SORCS3: variants seen among roughly 807,000 people sequenced by gnomAD.
The protein encoded by SORCS3 is VPS10 domain-containing receptor SorCS3.
A neutral mutation model predicts 146.3 loss-of-function variants in SORCS3; 57 were observed. The observed-to-expected ratio is 0.39, with a 90% CI of 0.31 to 0.49. The LOEUF (loss-of-function observed/expected upper bound fraction) is 0.49. SORCS3 is among the 20% of genes least tolerant of loss of function. The pLI is 0.92. For synonymous variants in SORCS3, 653 were observed against 618.5 expected (o/e 1.06, Z -0.83); for missense variants, 1,341 against 1,575.5 (o/e 0.85, Z 2.52).
At chr10:104,987,038 A>T (rs2054966048) in intron 4 of SORCS3, among the ~76,000 whole-genome samples, 1 of 152,200 alleles carries the variant, frequency 6.6e-6, no homozygotes, top group Admixed American at 6.5e-5. Context: ...ATATCTGTGA[A>T]GCACAATGAA....
intron 5 of SORCS3, among the ~76,000 whole-genome samples, chr10:105,082,890 C>A (rs931901068): frequency 1.8e-4 from 28 of 151,980 alleles, no homozygotes; most frequent in Admixed American, 1.6e-3. Flanking sequence ...ACCACCACAC[C>A]CGGCTAATTT....
intron 1 of SORCS3, among the ~76,000 whole-genome samples, chr10:104,768,402 T>G (rs1300761251): frequency 6.6e-6 from 1 of 152,208 alleles, no homozygotes; most frequent in Non-Finnish European, 1.5e-5. Context: ...TTTGTTATAC[T>G]GAAAAAACTG....
intron 7 of SORCS3, among the ~76,000 whole-genome samples, chr10:105,125,591 C>G (rs2055967557): frequency 6.6e-6 from 1 of 151,702 alleles, no homozygotes; most frequent in Admixed American, 6.6e-5. Context: ...CAAGTTGGGT[C>G]AGGAACTGTG....
chr10:105,146,713 A>G (rs1169957629), intron 8 of SORCS3, among the ~76,000 whole-genome samples: 1 of 152,172 alleles, frequency 6.6e-6, no homozygotes, highest in East Asian at 1.9e-4. Flanking sequence ...TGATAGCCAT[A>G]TAATCTGAAA....
intron 1 of SORCS3, among the ~76,000 whole-genome samples, chr10:104,669,973 A>G (rs1402783125): frequency 1.3e-5 from 2 of 152,032 alleles, no homozygotes; most frequent in East Asian, 3.9e-4. Flanking sequence ...TCTAATGATT[A>G]GTGATATTGA....
chr10:105,041,711 G>A (rs1320216615), intron 4 of SORCS3, among the ~76,000 whole-genome samples: 1 of 151,952 alleles, frequency 6.6e-6, no homozygotes, highest in African/African-American at 2.4e-5. Flanking sequence ...TAACATTATC[G>A]ACTTAGAACT....
chr10:105,200,258 G>A, intron 15 of SORCS3, 142 bp downstream of exon 15: 1 of 657,712 alleles, frequency 1.5e-6, no homozygotes, highest in Non-Finnish European at 2.7e-6. Context: ...TGGAGAAAAG[G>A]GTGAAACACA....
rs573694276 is a variant in SORCS3, at chr10:105,218,871, C to T, written c.2734+1749C>T. On this transcript the variant is annotated intron_variant, in intron 19 of 26. Transcript: ENST00000369701. The stretch of plus-strand genomic sequence containing the variant: ...TCTACTAGAAATACACAAAATTAGC[C>T]GGGCGTTTTGGCACAAGCCTGTAGT... Among the ~76,000 whole-genome samples, 19 of 152,180 alleles carry T rather than the reference C, an allele frequency of 1.2e-4. No individual in the cohort carries two copies. The South Asian group carries it at 2.3e-3, about 18-fold the overall frequency.
chr10:104,712,126 T>C (rs2133439309), intron 1 of SORCS3, among the ~76,000 whole-genome samples: 1 of 152,308 alleles, frequency 6.6e-6, no homozygotes, highest in African/African-American at 2.4e-5. Context: ...TTTGGCTCAT[T>C]CTTCCCACTT....
chr10:105,254,906 CG>C (rs1289961197), intron 23 of SORCS3, among the ~76,000 whole-genome samples: 2 of 152,098 alleles, frequency 1.3e-5, no homozygotes, highest in East Asian at 3.9e-4. Context: ...AGTGGATCTG[CG>C]GCCAGGCGCG....
chr10:105,257,009 C>A, intron 25 of SORCS3, 85 bp downstream of exon 25: 1 of 933,848 alleles, frequency 1.1e-6, no homozygotes, highest in Non-Finnish European at 1.7e-6. Context: ...CTAAACTCAT[C>A]GCAAGAATGT....
intron 4 of SORCS3, among the ~76,000 whole-genome samples, chr10:104,988,630 T>C (rs969136247): frequency 6.6e-6 from 1 of 152,204 alleles, no homozygotes; most frequent in East Asian, 1.9e-4. Flanking sequence ...TGATCTCAAA[T>C]TTTTAAAGGA....
intron 5 of SORCS3, among the ~76,000 whole-genome samples, chr10:105,045,597 G>A (rs2055366723): frequency 6.6e-6 from 1 of 152,058 alleles, no homozygotes; most frequent in Non-Finnish European, 1.5e-5. Context: ...GAAGATATAT[G>A]TTTTGTATAG....
At chr10:104,886,167 C>T (rs1019321378) in intron 2 of SORCS3, among the ~76,000 whole-genome samples, 3 of 152,086 alleles carry the variant, frequency 2.0e-5, no homozygotes, top group Non-Finnish European at 4.4e-5. Context: ...TCTAGTAAGA[C>T]TGACTTGATT....
At chr10:104,740,569 C>A (rs1261148798) in intron 1 of SORCS3, among the ~76,000 whole-genome samples, 1 of 152,186 alleles carries the variant, frequency 6.6e-6, no homozygotes, top group African/African-American at 2.4e-5. Flanking sequence ...TTCCAGATAA[C>A]CTCCATAATG....
chr10:104,706,200 TC>T (rs1311358422), intron 1 of SORCS3, among the ~76,000 whole-genome samples: 3 of 140,534 alleles, frequency 2.1e-5, no homozygotes, highest in African/African-American at 7.8e-5. Flanking sequence ...CTTTTCTTCT[TC>T]TTTTTTTTTT....
At chr10:105,013,424 T>A (rs1229850566) in intron 4 of SORCS3, among the ~76,000 whole-genome samples, 1 of 152,058 alleles carries the variant, frequency 6.6e-6, no homozygotes, top group Non-Finnish European at 1.5e-5. Context: ...AAAGGTCATC[T>A]TCTATACATA....
intron 1 of SORCS3, among the ~76,000 whole-genome samples, chr10:104,675,782 T>C (rs1032767239): frequency 2.0e-5 from 3 of 152,220 alleles, no homozygotes; most frequent in African/African-American, 7.2e-5. Context: ...AATCTTATTA[T>C]TTGGTAATCT....
chr10:105,081,519 G>A (rs140782576), intron 5 of SORCS3, among the ~76,000 whole-genome samples: 17 of 152,322 alleles, frequency 1.1e-4, no homozygotes, highest in East Asian at 5.8e-4. Context: ...GAGGACTGTC[G>A]TGGCTGGGTG....
Sources: allele counts gnomAD v4.1 joint callset (sites outside exome capture counted in the v4.1 genomes callset), GRCh38; gene constraint gnomAD v4.1.1; transcripts MANE v1.5; gene names NCBI Gene and HGNC (gene_info 2026-07-23, HGNC 2026-07-21).